The following EPM2A variants were observed in gnomAD, a reference collection of about 807,000 sequenced individuals.
EPM2A encodes EPM2A glucan phosphatase, laforin, also known as laforin.
EPM2A carries 21 observed loss-of-function variants against 26.5 expected under a neutral mutation model. The ratio of observed to expected loss-of-function variants is 0.79; its 90% confidence interval spans 0.56 to 1.14. The LOEUF (loss-of-function observed/expected upper bound fraction) is 1.14, where lower values mean the gene tolerates loss of function less well. EPM2A is among the 50% of genes most tolerant of loss of function. The probability of loss-of-function intolerance (pLI) is 0.00; values close to 1 mark genes in which losing one functional copy is unlikely to be tolerated. For missense variants in EPM2A, 458 were observed against 440.8 expected, an observed-to-expected ratio of 1.04 and a Z score of -0.35; for synonymous variants, 217 against 177.6, an observed-to-expected ratio of 1.22 and a Z score of -1.76.
chr6:145,487,720 T>C lies in EPM2A; in HGVS notation c.555+14802A>G, dbSNP rs745941090. On this transcript the variant is annotated intron_variant, in intron 4 of 4. Coordinates refer to the EPM2A transcript ENST00000638717. ...TCCTTATAGATGCTAGATATTAGAC[T>C]TTTTTCAGATGCATAGTTTGCAAAA... Among the ~76,000 whole-genome samples, 89 of 152,126 alleles carry C rather than the reference T, an allele frequency of 5.9e-4. 1 individual carries two copies. The highest frequency in any genetic ancestry group is 1.1e-3 in the Non-Finnish European group (72 of 67,994).
chr6:145,490,345 CTTCT>C (rs967284675), intron 4 of EPM2A: 1 of 1,359,980 alleles, frequency 7.4e-7, no homozygotes, highest in African/African-American at 1.5e-5. Context: ...ATTTATAGAG[CTTCT>C]TTCTTCCTTT....
At chr6:145,639,198 T>C (rs2128566885) in intron 2 of EPM2A, 1 of 152,326 alleles carries the variant, frequency 6.6e-6, no homozygotes, top group East Asian at 1.9e-4. Flanking sequence ...TTCCAGAGAC[T>C]TGTTTCATAA....
At chr6:145,417,833 T>C (rs1028881520) in intron 4 of EPM2A, among the ~76,000 whole-genome samples, 5 of 152,116 alleles carry the variant, frequency 3.3e-5, no homozygotes, top group African/African-American at 9.7e-5. Context: ...AGGCTGTGTA[T>C]GGCTATATTT....
chr6:145,435,993 T>G (rs1334842835), intron 4 of EPM2A, among the ~76,000 whole-genome samples: 1 of 152,174 alleles, frequency 6.6e-6, no homozygotes, highest in African/African-American at 2.4e-5. Flanking sequence ...CCTCTTGGTG[T>G]TGTACATTCA....
At chr6:145,440,358 C>G (rs1458897399) in intron 4 of EPM2A, among the ~76,000 whole-genome samples, 1 of 152,160 alleles carries the variant, frequency 6.6e-6, no homozygotes, top group Non-Finnish European at 1.5e-5. Context: ...CCTCTCACAA[C>G]AAAACGGAAT....
intron 3 of EPM2A, 81 bp downstream of exon 3, chr6:145,635,164 A>G (rs1254888863): frequency 6.8e-7 from 1 of 1,480,286 alleles, no homozygotes; most frequent in African/African-American, 1.4e-5. Flanking sequence ...CATTTTTAAG[A>G]TATTAAATTA....
intron 2 of EPM2A, among the ~76,000 whole-genome samples, chr6:145,591,675 G>GT (rs1582880806): frequency 6.6e-6 from 1 of 151,976 alleles, no homozygotes; most frequent in African/African-American, 2.4e-5. Context: ...GACCTGCACC[G>GT]TAAGAAACGT....
rs149314986 is a variant in EPM2A, at chr6:145,674,028, C to T, written c.476+12094G>A. Reference sequence around the variant, plus strand: ...CCTGTGTAGTCTAACAGGGAGACACCTACCAGTAGGGGCCAACAGACACCT... The same window carrying T: ...CCTGTGTAGTCTAACAGGGAGACACTTACCAGTAGGGGCCAACAGACACCT... On this transcript the variant is annotated intron_variant, in intron 2 of 3. Coordinates refer to ENST00000367519, the MANE Select transcript of EPM2A (RefSeq NM_005670.4). 2.7e-3 allele frequency among the ~76,000 whole-genome samples: 418 copies of T among 152,268 alleles called. 5 individuals carry two copies. Among genetic ancestry groups the T allele is most frequent in the African/African-American group, 9.6e-3 (399 of 41,552 alleles).
At chr6:145,713,735 G>A (rs1775465225) in intron 1 of EPM2A, among the ~76,000 whole-genome samples, 1 of 151,922 alleles carries the variant, frequency 6.6e-6, no homozygotes, top group South Asian at 2.1e-4. Flanking sequence ...TCCACTTCTG[G>A]GTACATACCC....
At chr6:145,695,952 G>T (rs979693058) in intron 1 of EPM2A, among the ~76,000 whole-genome samples, 2 of 151,968 alleles carry the variant, frequency 1.3e-5, no homozygotes, top group African/African-American at 4.8e-5. Flanking sequence ...GGACCTAACA[G>T]AAATATATGG....
At chr6:145,514,124 T>C (rs1780092990) in intron 2 of EPM2A, among the ~76,000 whole-genome samples, 1 of 152,202 alleles carries the variant, frequency 6.6e-6, no homozygotes, top group Non-Finnish European at 1.5e-5. Flanking sequence ...ATTAGTCACA[T>C]GGTCCACCGT....
intron 2 of EPM2A, among the ~76,000 whole-genome samples, chr6:145,572,709 T>A (rs1158073605): frequency 6.6e-6 from 1 of 152,138 alleles, no homozygotes; most frequent in African/African-American, 2.4e-5. Context: ...CTGAACAGCA[T>A]CCCTATCTGC....
chr6:145,621,707 C>T (rs1214545076), downstream of EPM2A, among the ~76,000 whole-genome samples: 5 of 151,888 alleles, frequency 3.3e-5, no homozygotes, highest in Non-Finnish European at 4.4e-5. Context: ...TGCTGAGCAC[C>T]TTTTCATATA....
Position 145,425,003 on chromosome 6 carries a change from G to A in EPM2A, c.556-40906C>T, listed in dbSNP as rs563312533. Among the ~76,000 whole-genome samples the A allele has an allele frequency of 4.0e-5, 6 of 151,606 alleles. No homozygotes were observed. In the South Asian group the frequency reaches 6.3e-4, roughly 16 times the overall value. Reference sequence around the variant, plus strand: ...ATATCTATCTATTTATCTAATCTACGTACTGTATATAAAAGGCCACATATC... The same window carrying A: ...ATATCTATCTATTTATCTAATCTACATACTGTATATAAAAGGCCACATATC... On this transcript the variant is annotated intron_variant, in intron 4 of 4. Coordinates refer to the EPM2A transcript ENST00000638717.
chr6:145,456,359 C>T lies in EPM2A; in HGVS notation c.555+46163G>A, dbSNP rs933696010. 1.3e-4 allele frequency among the ~76,000 whole-genome samples: 20 copies of T among 152,250 alleles called. No homozygotes were observed. In the East Asian group the frequency reaches 1.7e-3, roughly 13 times the overall value. Reference sequence around the variant, plus strand: ...AAAATTTTTTGGATGAATGAAAAGACGTTTGCATGCTTGCAAAAAGACTAA... The same window carrying T: ...AAAATTTTTTGGATGAATGAAAAGATGTTTGCATGCTTGCAAAAAGACTAA... On this transcript the variant is annotated intron_variant, in intron 4 of 4. Coordinates refer to the EPM2A transcript ENST00000638717.
At chr6:145,569,600 C>A (rs118003134) in intron 2 of EPM2A, among the ~76,000 whole-genome samples, 1 of 152,138 alleles carries the variant, frequency 6.6e-6, no homozygotes, top group African/African-American at 2.4e-5. Context: ...TGTTTAAAAG[C>A]CCCCTTTGAT....
chr6:145,481,823 G>T (rs1779614136), intron 4 of EPM2A, among the ~76,000 whole-genome samples: 1 of 152,144 alleles, frequency 6.6e-6, no homozygotes, highest in Admixed American at 6.6e-5. Context: ...AACAGAAAAT[G>T]TGTACATATA....
In EPM2A at chr6:145,711,937, C is replaced by G. The variant is rs546860655; in HGVS notation, c.301+23261G>C. ...ATTAACTTATACTAACTTGCTATAA[C>G]ATATCTGAACAAGGTCTAGTTTGAG... On this transcript the variant is annotated intron_variant, in intron 1 of 3. Coordinates refer to ENST00000367519, the MANE Select transcript of EPM2A (RefSeq NM_005670.4). Among the ~76,000 whole-genome samples, 18 of 152,236 alleles carry G rather than the reference C, an allele frequency of 1.2e-4. No homozygotes were observed. The South Asian group carries it at 3.3e-3, about 28-fold the overall frequency.
intron 1 of EPM2A, among the ~76,000 whole-genome samples, chr6:145,714,050 T>G (rs750297412): frequency 5.9e-5 from 9 of 152,210 alleles, no homozygotes; most frequent in Non-Finnish European, 1.2e-4. Context: ...AGACAGAAAG[T>G]GCATTCGTGT....
Sources: gnomAD v4.1 joint callset for allele counts (sites outside exome capture counted in the v4.1 genomes callset) on GRCh38, gnomAD v4.1.1 for gene constraint, MANE v1.5 for transcripts, NCBI Gene and HGNC (gene_info 2026-07-23, HGNC 2026-07-21) for gene names.